The following KCNK1 variants were observed in gnomAD, a reference collection of about 807,000 sequenced individuals.
KCNK1 encodes the protein potassium two pore domain channel subfamily K member 1.
Under a neutral mutation model 22.2 loss-of-function variants are expected in KCNK1, and 10 were observed. The observed-to-expected ratio is 0.45, with a 90% CI of 0.28 to 0.76. KCNK1 has a LOEUF of 0.76. KCNK1 is among the 30% of genes least tolerant of loss of function. The probability of loss-of-function intolerance (pLI) is 0.14; values close to 1 mark genes in which losing one functional copy is unlikely to be tolerated. For synonymous variants in KCNK1, 200 were observed against 186.4 expected, an observed-to-expected ratio of 1.07 and a Z score of -0.60; for missense variants, 378 against 421.0, an observed-to-expected ratio of 0.90 and a Z score of 0.89.
chr1:233,640,769 A>G (rs1027988524), intron 1 of KCNK1, among the ~76,000 whole-genome samples: 3 of 152,092 alleles, frequency 2.0e-5, no homozygotes, highest in Admixed American at 6.5e-5. Context: ...CAGTAGCTCA[A>G]TCTCAGCTCA....
At chr1:233,655,576 C>T in intron 1 of KCNK1, 1 of 152,190 alleles carries the variant, frequency 6.6e-6, no homozygotes, top group East Asian at 1.9e-4. Flanking sequence ...CTAACCCCCA[C>T]CCTCTCAAGG....
At chr1:233,639,186 A>G (rs1657962877) in intron 1 of KCNK1, among the ~76,000 whole-genome samples, 1 of 152,234 alleles carries the variant, frequency 6.6e-6, no homozygotes, top group African/African-American at 2.4e-5. Context: ...CTCACACAGT[A>G]CTTGTTCTCC....
In KCNK1 at chr1:233,657,623, GAAAGA is replaced by G. The variant is rs773118254; in HGVS notation, c.356-8959_356-8955del. ...TAAGAAAGAAAGAAAGAGAGAAAAA[GAAAGA>G]AAAGAAAAGAAAGAAAAAAGAAAAA... is the stretch of plus-strand genomic sequence containing the variant. On this transcript the variant is annotated intron_variant, in intron 1 of 2. Transcript: ENST00000366621. Among the ~76,000 whole-genome samples, 298 of 132,696 alleles carry G rather than the reference GAAAGA, an allele frequency of 2.2e-3. 3 individuals are homozygous for G. Among genetic ancestry groups the G allele is most frequent in the African/African-American group, 7.6e-3 (272 of 35,806 alleles). The allele number at this position is 132,696 out of a possible 152,430, so 87.1% of individuals were successfully genotyped here.
intron 1 of KCNK1, among the ~76,000 whole-genome samples, chr1:233,631,100 C>G (rs780337002): frequency 3.9e-5 from 6 of 152,172 alleles, no homozygotes; most frequent in Non-Finnish European, 8.8e-5. Flanking sequence ...TACTTCTGTT[C>G]TTACATGTTC....
chr1:233,620,633 A>G (rs934033059), intron 1 of KCNK1, among the ~76,000 whole-genome samples: 2 of 152,224 alleles, frequency 1.3e-5, no homozygotes, highest in African/African-American at 4.8e-5. Flanking sequence ...CAAACTCTGT[A>G]TTAGCCAGAA....
chr1:233,619,219 T>G (rs905300878), intron 1 of KCNK1, among the ~76,000 whole-genome samples: 2 of 151,974 alleles, frequency 1.3e-5, no homozygotes, highest in Non-Finnish European at 2.9e-5. Context: ...AGCGTGGTCT[T>G]GCTTTGTTGC....
At chr1:233,648,229 A>G (rs1658131689) in intron 1 of KCNK1, among the ~76,000 whole-genome samples, 1 of 152,210 alleles carries the variant, frequency 6.6e-6, no homozygotes, top group Admixed American at 6.5e-5. Flanking sequence ...AAAATCTAGA[A>G]CTTCCTACTG....
At chr1:233,664,765 G>T (rs769189384) in intron 1 of KCNK1, among the ~76,000 whole-genome samples, 1 of 152,218 alleles carries the variant, frequency 6.6e-6, no homozygotes, top group Non-Finnish European at 1.5e-5. Context: ...TAAGTATAAG[G>T]CAGAGAATTT....
intron 1 of KCNK1, among the ~76,000 whole-genome samples, chr1:233,621,088 C>T (rs1431160043): frequency 6.6e-6 from 1 of 152,202 alleles, no homozygotes; most frequent in African/African-American, 2.4e-5. Flanking sequence ...TTAATAGCAT[C>T]TGGGCATCAG....
chr1:233,630,977 T>G (rs930740671), intron 1 of KCNK1, among the ~76,000 whole-genome samples: 1 of 152,220 alleles, frequency 6.6e-6, no homozygotes, highest in African/African-American at 2.4e-5. Context: ...CCATAGAAAC[T>G]TGATACATAG....
In KCNK1 at chr1:233,637,685, A is replaced by T. The variant is rs2102892854; in HGVS notation, c.355+23159A>T. On this transcript the variant is annotated intron_variant, in intron 1 of 2. Coordinates refer to ENST00000366621, the MANE Select transcript of KCNK1 (RefSeq NM_002245.4). ...AGTGATGAGGTTTGCATCTGTGTAA[A>T]ACCTACAGATTGGAATTCTGCTTTC... is the stretch of plus-strand genomic sequence containing the variant. 3.9e-5 allele frequency among the ~76,000 whole-genome samples: 6 copies of T among 152,270 alleles called. No homozygotes were observed. In the Middle Eastern group the frequency reaches 0.017, roughly 432 times the overall value.
intron 1 of KCNK1, among the ~76,000 whole-genome samples, chr1:233,630,346 A>G (rs926320629): frequency 4.6e-5 from 7 of 152,208 alleles, no homozygotes; most frequent in African/African-American, 1.7e-4. Flanking sequence ...AACTTAACTA[A>G]GCTTTAGTTT....
In KCNK1 at chr1:233,614,263, T is replaced by TGCTCTACCTGGTCTTCG. The variant is rs1386187689; in HGVS notation, c.95_111dup (p.Ala38SerfsTer28). On this transcript the variant is annotated frameshift_variant, in exon 1 of 3. Coordinates refer to ENST00000366621, the MANE Select transcript of KCNK1 (RefSeq NM_002245.4). LOFTEE classifies it high-confidence loss of function. Reference sequence around the variant, plus strand: ...TTCGGCTTCCTGGTGCTGGGCTACTTGCTCTACCTGGTCTTCGGCGCAGTG... The same window carrying TGCTCTACCTGGTCTTCG: ...TTCGGCTTCCTGGTGCTGGGCTACTTGCTCTACCTGGTCTTCGGCTCTACCTGGTCTTCGGCGCAGTG... 1 of 1,613,460 alleles carries TGCTCTACCTGGTCTTCG rather than the reference T, an allele frequency of 6.2e-7. No homozygotes were observed. The highest frequency in any genetic ancestry group is 1.1e-5 in the South Asian group (1 of 90,982).
At chr1:233,667,349 C>G (rs1484048639) in intron 2 of KCNK1, among the ~76,000 whole-genome samples, 1 of 152,164 alleles carries the variant, frequency 6.6e-6, no homozygotes, top group East Asian at 1.9e-4. Flanking sequence ...ATGCAAAAAT[C>G]TTATTACTGA....
rs78169798 is a variant in KCNK1 at position 233,638,025 on chromosome 1, C to T, written c.355+23499C>T. Among the ~76,000 whole-genome samples, 916 of 150,508 alleles carry T rather than the reference C, an allele frequency of 6.1e-3. 4 individuals are homozygous for T. The highest frequency in any genetic ancestry group is 8.7e-3 in the Non-Finnish European group (588 of 67,742). ...AAAAAAAAAAACACAGGGTTGTCCT[C>T]TCCTGCTTCTGTTATATTTATTTTT... On this transcript the variant is annotated intron_variant, in intron 1 of 2. Coordinates refer to ENST00000366621, the MANE Select transcript of KCNK1 (RefSeq NM_002245.4).
At chr1:233,633,725 G>A (rs1228831253) in intron 1 of KCNK1, among the ~76,000 whole-genome samples, 1 of 152,094 alleles carries the variant, frequency 6.6e-6, no homozygotes, top group Non-Finnish European at 1.5e-5. Flanking sequence ...AGGAGGGATA[G>A]TTTTTGGTTG....
In KCNK1 at chr1:233,658,509, A is replaced by G. The variant is rs185965103; in HGVS notation, c.356-8086A>G. Among the ~76,000 whole-genome samples, 6 of 152,332 alleles carry G rather than the reference A, an allele frequency of 3.9e-5. No homozygotes were observed. The East Asian group carries it at 9.6e-4, about 24-fold the overall frequency. On this transcript the variant is annotated intron_variant, in intron 1 of 2. Coordinates refer to ENST00000366621, the MANE Select transcript of KCNK1 (RefSeq NM_002245.4). ...TCATCTAACAAAAACAGTTCCTTAT[A>G]TAAGAGACTGTATGCTAACTCCTAG...
intron 1 of KCNK1, among the ~76,000 whole-genome samples, chr1:233,641,340 G>A (rs1657996411): frequency 6.6e-6 from 1 of 152,154 alleles, no homozygotes; most frequent in African/African-American, 2.4e-5. Context: ...CTTGCTCCAT[G>A]CAGAGCCCTA....
chr1:233,669,903 T>A (rs1211779894), intron 2 of KCNK1, among the ~76,000 whole-genome samples: 1 of 152,236 alleles, frequency 6.6e-6, no homozygotes, highest in African/African-American at 2.4e-5. Context: ...GAATGCACGA[T>A]ATTGTTTTCA....
Sources: allele counts gnomAD v4.1 joint callset (sites outside exome capture counted in the v4.1 genomes callset), GRCh38; gene constraint gnomAD v4.1.1; transcripts MANE v1.5; gene names NCBI Gene and HGNC (gene_info 2026-07-23, HGNC 2026-07-21).